Variants in DGUOK observed in about 807,000 individuals in gnomAD.
DGUOK encodes deoxyguanosine kinase.
A neutral mutation model predicts 36.6 loss-of-function variants in DGUOK; 30 were observed. The ratio of observed to expected loss-of-function variants is 0.82; its 90% CI spans 0.61 to 1.11. The LOEUF is 1.11. Ranked by LOEUF, DGUOK falls within the 50% of genes most tolerant of loss-of-function variation. DGUOK has a pLI of 0.00. For synonymous variants in DGUOK, 145 were observed against 126.3 expected (o/e 1.15, Z -0.99); for missense variants, 361 against 336.4 (o/e 1.07, Z -0.57).
intron 2 of DGUOK, 82 bp from the exon 3 acceptor site, chr2:73,946,637 T>C: frequency 8.1e-7 from 1 of 1,235,150 alleles, no homozygotes. Flanking sequence ...TTTGGGGAGG[T>C]AGGGGTGTGT....
chr2:73,931,464 G>T (rs1313986968), intron 1 of DGUOK, among the ~76,000 whole-genome samples: 1 of 152,190 alleles, frequency 6.6e-6, no homozygotes, highest in African/African-American at 2.4e-5. Context: ...TAATGAAAGA[G>T]AAGTAGTTGG....
At chr2:73,933,911 A>C (rs1388469064) in intron 1 of DGUOK, among the ~76,000 whole-genome samples, 4 of 152,180 alleles carry the variant, frequency 2.6e-5, no homozygotes, top group Non-Finnish European at 1.5e-5. Context: ...TAAAGACTTC[A>C]ATTTTTTTTG....
Position 73,950,732 on chromosome 2 carries a change from G to A in DGUOK, c.591G>A (p.Gln197=), listed in dbSNP as rs748597500. Residue 197 remains glutamine, a splice_region_variant and synonymous_variant, in exon 4 of 7, where the codon CAG becomes CAA. Transcript: ENST00000264093. ...HGFIYLQASP[Q]VCLKRLYQRA... is the part of the protein sequence containing the mutation. Reference sequence around the variant, plus strand: ...TCATCTACCTCCAGGCTTCTCCCCAGGTAACACTGAACCTACAACCTTAGA... The same window carrying A: ...TCATCTACCTCCAGGCTTCTCCCCAAGTAACACTGAACCTACAACCTTAGA... 1.3e-4 allele frequency: 206 copies of A among 1,614,004 alleles called. No homozygotes were observed. Among genetic ancestry groups the A allele is most frequent in the Non-Finnish European group, 1.7e-4 (202 of 1,180,044 alleles).
At chr2:73,955,050 C>T (rs1682988322) in intron 4 of DGUOK, among the ~76,000 whole-genome samples, 2 of 152,206 alleles carry the variant, frequency 1.3e-5, no homozygotes, top group Non-Finnish European at 2.9e-5. Flanking sequence ...CCACTCAATA[C>T]TGCCACCAGT....
At chr2:73,949,620 C>G (rs189155563) in intron 3 of DGUOK, among the ~76,000 whole-genome samples, 2 of 152,306 alleles carry the variant, frequency 1.3e-5, no homozygotes, top group East Asian at 3.9e-4. Context: ...GGTATTCTCT[C>G]AGTGGTGACA....
intron 4 of DGUOK, among the ~76,000 whole-genome samples, chr2:73,955,593 G>C (rs1222658293): frequency 6.6e-6 from 1 of 152,182 alleles, no homozygotes; most frequent in Non-Finnish European, 1.5e-5. Flanking sequence ...GGGAAGTCCT[G>C]GCCGGGCACG....
chr2:73,950,883 G>A lies in DGUOK; in HGVS notation c.591+151G>A, dbSNP rs938766490. The A allele has an allele frequency of 1.3e-5, 14 of 1,044,872 alleles. No homozygotes were observed. The African/African-American group carries it at 1.4e-4, about 11-fold the overall frequency. 64.7% of individuals were successfully genotyped at this position (1,044,872 alleles called of 1,614,324 possible). A position where few individuals can be genotyped will look rare whatever the true frequency, so the allele number is the denominator to read the frequency against. ...GTGGGGGACACCCTCCTGTCCCAGC[G>A]TTGAGCACCCTGTTCCCCACTGGCT... is the stretch of plus-strand genomic sequence containing the variant. On this transcript the variant is annotated intron_variant, in intron 4 of 6. Coordinates refer to ENST00000264093, the MANE Select transcript of DGUOK (RefSeq NM_080916.3).
Position 73,946,883 on chromosome 2 carries a change from T to C in DGUOK, c.420T>C (p.Phe140=), listed in dbSNP as rs1221351625. The C allele has an allele frequency of 1.2e-6, 2 of 1,613,142 alleles. No individual in the cohort carries two copies. Among genetic ancestry groups the C allele is most frequent in the Non-Finnish European group, 1.7e-6 (2 of 1,179,802 alleles). The change falls in exon 3 of 7, where the codon TTT becomes TTC. Residue 140 remains phenylalanine, a synonymous_variant. Coordinates refer to ENST00000264093, the MANE Select transcript of DGUOK (RefSeq NM_080916.3). ...LLQARKPVQI[F]ERSVYSDRYI... is the part of the protein sequence containing the mutation. ...AGGCCAGGAAGCCAGTACAGATCTTTGAGAGGTCTGTGTACAGTGACAGGT... is the reference window on the plus strand; with the variant it reads ...AGGCCAGGAAGCCAGTACAGATCTTCGAGAGGTCTGTGTACAGTGACAGGT...
chr2:73,947,189 G>C, intron 3 of DGUOK: 1 of 442,250 alleles, frequency 2.3e-6, no homozygotes, highest in Non-Finnish European at 4.2e-6. Context: ...GGAGCAAGCT[G>C]GTAGCCACCT....
chr2:73,935,214 C>G (rs1430596120), intron 1 of DGUOK, among the ~76,000 whole-genome samples: 3 of 152,216 alleles, frequency 2.0e-5, no homozygotes, highest in Non-Finnish European at 4.4e-5. Flanking sequence ...GCACTCCAGC[C>G]TGGGTGACAG....
intron 2 of DGUOK, among the ~76,000 whole-genome samples, chr2:73,945,775 G>A (rs1160527477): frequency 1.3e-5 from 2 of 152,180 alleles, no homozygotes; most frequent in African/African-American, 4.8e-5. Flanking sequence ...GGCTGGGCGT[G>A]GTGGCTCACG....
At chr2:73,940,245 G>A (rs942065401) in intron 2 of DGUOK, among the ~76,000 whole-genome samples, 2 of 152,136 alleles carry the variant, frequency 1.3e-5, no homozygotes, top group South Asian at 4.1e-4. Flanking sequence ...TTTCCTCCAG[G>A]CTATTCTTTA....
intron 3 of DGUOK, among the ~76,000 whole-genome samples, chr2:73,947,339 G>T (rs1467154015): frequency 6.6e-6 from 1 of 152,096 alleles, no homozygotes; most frequent in East Asian, 1.9e-4. Flanking sequence ...TCCTGAAAAT[G>T]ATATAAGAGA....
intron 1 of DGUOK, among the ~76,000 whole-genome samples, chr2:73,934,806 C>T (rs1159170810): frequency 6.7e-6 from 1 of 148,752 alleles, no homozygotes; most frequent in Non-Finnish European, 1.5e-5. Context: ...GGCGCAGTGG[C>T]TCACGCCTGT....
chr2:73,944,947 A>G (rs970351107), intron 2 of DGUOK, among the ~76,000 whole-genome samples: 1 of 152,138 alleles, frequency 6.6e-6, no homozygotes, highest in African/African-American at 2.4e-5. Context: ...TGAGGCTGGT[A>G]TGTGTGGGCT....
intron 4 of DGUOK, among the ~76,000 whole-genome samples, chr2:73,952,933 AG>A (rs887653195): frequency 6.6e-6 from 1 of 152,186 alleles, no homozygotes; most frequent in African/African-American, 2.4e-5. Flanking sequence ...GAGACTGGGA[AG>A]TCCAAATTGG....
At chr2:73,958,556 A>G (rs1042739284) in intron 6 of DGUOK, among the ~76,000 whole-genome samples, 154 bp from the exon 7 acceptor site, 1 of 152,214 alleles carries the variant, frequency 6.6e-6, no homozygotes, top group African/African-American at 2.4e-5. Flanking sequence ...TTGATGCTAT[A>G]TGACCCTGGG....
At chr2:73,955,285 GACA>G (rs1357850752) in intron 4 of DGUOK, among the ~76,000 whole-genome samples, 1 of 152,152 alleles carries the variant, frequency 6.6e-6, no homozygotes, top group African/African-American at 2.4e-5. Flanking sequence ...TCACGAAACA[GACA>G]ACATTTTTTT....
chr2:73,945,562 AT>A (rs1682238999), intron 2 of DGUOK, among the ~76,000 whole-genome samples: 1 of 152,236 alleles, frequency 6.6e-6, no homozygotes, highest in African/African-American at 2.4e-5. Flanking sequence ...TTGAAGATTA[AT>A]TGAGGTAACA....
Sources: allele counts gnomAD v4.1 joint callset (sites outside exome capture counted in the v4.1 genomes callset), GRCh38; gene constraint gnomAD v4.1.1; transcripts MANE v1.5; gene names NCBI Gene and HGNC (gene_info 2026-07-23, HGNC 2026-07-21).